Variants in SUPT3H observed in about 807,000 individuals in gnomAD.
The protein encoded by SUPT3H is SPT3 homolog, SAGA and STAGA complex component, also known as transcription initiation protein SPT3 homolog.
SUPT3H carries 44 observed loss-of-function variants against 44.3 expected under a neutral mutation model. The observed-to-expected ratio is 0.99, with a 90% CI of 0.78 to 1.28. SUPT3H has a LOEUF of 1.28. Ranked by LOEUF, SUPT3H falls within the 50% of genes most tolerant of loss-of-function variation. SUPT3H has a pLI of 0.00. For missense variants in SUPT3H, 380 were observed against 387.1 expected (o/e 0.98, Z 0.15); for synonymous variants, 124 against 125.6 (o/e 0.99, Z 0.09).
chr6:45,218,452 G>A (rs927072301), intron 2 of SUPT3H, among the ~76,000 whole-genome samples: 11 of 152,314 alleles, frequency 7.2e-5, no homozygotes, highest in South Asian at 2.1e-4. Flanking sequence ...ACTAGTGGCC[G>A]GGTACGGTGG....
chr6:44,937,427 G>GA (rs1213101018), intron 9 of SUPT3H, among the ~76,000 whole-genome samples: 1 of 151,924 alleles, frequency 6.6e-6, no homozygotes, highest in Non-Finnish European at 1.5e-5. Context: ...CCGGGAGGTG[G>GA]AGGTTGCAGT....
At chr6:44,916,475 C>T (rs1454767322) in intron 10 of SUPT3H, among the ~76,000 whole-genome samples, 2 of 152,150 alleles carry the variant, frequency 1.3e-5, no homozygotes, top group African/African-American at 4.8e-5. Flanking sequence ...TTTGCCCACA[C>T]AAGGGCAAAC....
intron 2 of SUPT3H, among the ~76,000 whole-genome samples, chr6:45,200,322 A>G (rs1428618539): frequency 6.6e-6 from 1 of 151,408 alleles, no homozygotes; most frequent in Non-Finnish European, 1.5e-5. Context: ...TATTTTGTCT[A>G]TTTCTAGTAA....
At chr6:44,986,888 A>G (rs1021469588) in intron 6 of SUPT3H, among the ~76,000 whole-genome samples, 4 of 152,152 alleles carry the variant, frequency 2.6e-5, no homozygotes, top group Non-Finnish European at 4.4e-5. Context: ...TGCCATGAAT[A>G]ATATAGTAGA....
At chr6:45,368,968 GA>G (rs1324373948) in intron 1 of SUPT3H, among the ~76,000 whole-genome samples, 6 of 150,938 alleles carry the variant, frequency 4.0e-5, no homozygotes, top group Non-Finnish European at 7.4e-5. Context: ...CTTCTGATGT[GA>G]AAAATAATAC....
intron 11 of SUPT3H, among the ~76,000 whole-genome samples, chr6:44,816,399 T>C (rs1213046702): frequency 6.6e-6 from 1 of 152,254 alleles, no homozygotes; most frequent in East Asian, 1.9e-4. Context: ...AGACAAACTA[T>C]CAAAACTCTC....
In SUPT3H at chr6:45,182,213, G is replaced by T. The variant is rs147303324; in HGVS notation, c.102-76207C>A. On this transcript the variant is annotated intron_variant, in intron 2 of 10. Transcript: ENST00000371459. ...CCACAACTGCTGTTACTGTCCCATAGAGCTTATAGAGAAATAGCTCATTTG... is the reference window on the plus strand; with the variant it reads ...CCACAACTGCTGTTACTGTCCCATATAGCTTATAGAGAAATAGCTCATTTG... Among the ~76,000 whole-genome samples the T allele has an allele frequency of 2.5e-4, 38 of 152,210 alleles. 1 individual carries two copies. The highest frequency in any genetic ancestry group is 7.7e-4 in the African/African-American group (32 of 41,558).
Position 45,317,700 on chromosome 6 carries a change from T to A in SUPT3H, c.101+47501A>T, listed in dbSNP as rs966140785. Among the ~76,000 whole-genome samples, 3 of 152,104 alleles carry A rather than the reference T, an allele frequency of 2.0e-5. 1 individual carries two copies. The highest frequency in any genetic ancestry group is 4.1e-4 in the South Asian group (2 of 4,834). On this transcript the variant is annotated intron_variant, in intron 2 of 10. Coordinates refer to ENST00000371459, the MANE Select transcript of SUPT3H (RefSeq NM_003599.4). ...TACACAAAAATCAACTCAAACTGCA[T>A]TAAACACAAACATAAGACATGAAAT...
intron 2 of SUPT3H, among the ~76,000 whole-genome samples, chr6:45,156,295 G>C (rs984498003): frequency 6.6e-6 from 1 of 152,048 alleles, no homozygotes; most frequent in Non-Finnish European, 1.5e-5. Context: ...TCTTATCACA[G>C]GATGACAAAA....
chr6:45,062,979 T>A (rs1384608734), intron 3 of SUPT3H, among the ~76,000 whole-genome samples: 2 of 151,722 alleles, frequency 1.3e-5, no homozygotes, highest in Non-Finnish European at 2.9e-5. Context: ...GAGACCTGCC[T>A]GCCTCTGTAG....
intron 3 of SUPT3H, among the ~76,000 whole-genome samples, chr6:45,101,814 A>C (rs1457137456): frequency 6.6e-6 from 1 of 152,190 alleles, no homozygotes; most frequent in South Asian, 2.1e-4. Context: ...AACAAAAAAA[A>C]ACCTGGCAGT....
chr6:45,018,624 G>C (rs1357980523), intron 4 of SUPT3H, among the ~76,000 whole-genome samples: 1 of 151,712 alleles, frequency 6.6e-6, no homozygotes, highest in Non-Finnish European at 1.5e-5. Context: ...TTTGTCTTTG[G>C]CTCTGTTTAT....
chr6:45,181,184 T>C, intron 2 of SUPT3H, among the ~76,000 whole-genome samples: 1 of 111,952 alleles, frequency 8.9e-6, no homozygotes, highest in Admixed American at 8.5e-5. Flanking sequence ...TCACACCAGT[T>C]AGAATGGCAA....
At chr6:45,233,565 C>G (rs1768479648) in intron 2 of SUPT3H, among the ~76,000 whole-genome samples, 1 of 152,220 alleles carries the variant, frequency 6.6e-6, no homozygotes, top group Non-Finnish European at 1.5e-5. Context: ...CTCACTTACT[C>G]TTTCACCACA....
chr6:45,230,686 A>ATATATATTTT (rs796866510), intron 2 of SUPT3H, among the ~76,000 whole-genome samples: 12 of 116,820 alleles, frequency 1.0e-4, no homozygotes, highest in Non-Finnish European at 1.5e-4. Context: ...ATATATATAT[A>ATATATATTTT]TTTTTGAGAT....
intron 5 of SUPT3H, among the ~76,000 whole-genome samples, chr6:45,011,570 T>C (rs1415699673): frequency 1.4e-5 from 2 of 144,986 alleles, no homozygotes; most frequent in Non-Finnish European, 2.9e-5. Flanking sequence ...CTGTCAAATA[T>C]ATTATATTTC....
chr6:44,878,389 TCTC>T (rs1777640527), intron 10 of SUPT3H, among the ~76,000 whole-genome samples: 1 of 152,152 alleles, frequency 6.6e-6, no homozygotes, highest in African/African-American at 2.4e-5. Context: ...ATGTTTCTAA[TCTC>T]CTATCATAAA....
intron 2 of SUPT3H, among the ~76,000 whole-genome samples, chr6:45,143,186 A>C (rs985513061): frequency 6.6e-6 from 1 of 152,154 alleles, no homozygotes; most frequent in Non-Finnish European, 1.5e-5. Flanking sequence ...CAACGAACTT[A>C]AACTACACCT....
At chr6:44,915,609 A>T (rs1487624020) in intron 10 of SUPT3H, among the ~76,000 whole-genome samples, 2 of 152,170 alleles carry the variant, frequency 1.3e-5, no homozygotes, top group Non-Finnish European at 2.9e-5. Context: ...GTCTGATAAG[A>T]AACATTTACA....
Sources: gnomAD v4.1 joint callset for allele counts (sites outside exome capture counted in the v4.1 genomes callset) on GRCh38, gnomAD v4.1.1 for gene constraint, MANE v1.5 for transcripts, NCBI Gene and HGNC (gene_info 2026-07-23, HGNC 2026-07-21) for gene names.